Variants in DACT2 observed in about 807,000 individuals in gnomAD.
The protein encoded by DACT2 is dishevelled binding antagonist of beta catenin 2, also known as dapper homolog 2.
A neutral mutation model predicts 22.2 loss-of-function variants in DACT2; 20 were observed. The observed-to-expected ratio is 0.90, with a 90% confidence interval of 0.63 to 1.31. DACT2 has a LOEUF of 1.31. Ranked by LOEUF, DACT2 falls within the 50% of genes most tolerant of loss-of-function variation. DACT2 has a pLI of 0.00. For synonymous variants in DACT2, 463 were observed against 479.8 expected (o/e 0.96, Z 0.46); for missense variants, 1,048 against 1,061.4 (o/e 0.99, Z 0.18).
downstream of DACT2, among the ~76,000 whole-genome samples, chr6:168,306,055 C>T (rs1366355195): frequency 4.6e-5 from 7 of 152,218 alleles, no homozygotes; most frequent in East Asian, 3.9e-4. Context: ...CCCTCACCTA[C>T]GCTTTGTTCC....
In DACT2 at chr6:168,308,457, T is replaced by C; in HGVS notation, c.1300A>G (p.Arg434Gly). Reference protein sequence around the residue: ...GSKPSNSCVLRETMVQASPSS... With the variant: ...GSKPSNSCVLGETMVQASPSS... ...GGAGAAGCCTGCACCATGGTCTCCC[T>C]GAGGACACAGCTGTTTGAGGGCTTG... Residue 434 changes from arginine (R) to glycine (G), a missense_variant, in exon 4 of 4, where the codon AGG becomes GGG. Physicochemically the swap from Arg to Gly is moderately radical, Grantham distance 125 (BLOSUM62 -2). Coordinates refer to ENST00000366795, the MANE Select transcript of DACT2 (RefSeq NM_214462.5). The C allele has an allele frequency of 6.4e-7, 1 of 1,551,646 alleles. No individual in the cohort carries two copies. The highest frequency in any genetic ancestry group is 8.7e-7 in the Non-Finnish European group (1 of 1,146,974).
At chr6:168,310,788 G>C (rs1440090294) in intron 2 of DACT2, among the ~76,000 whole-genome samples, 1 of 152,140 alleles carries the variant, frequency 6.6e-6, no homozygotes, top group African/African-American at 2.4e-5. Flanking sequence ...AGCCCTTTTA[G>C]GACAGGCCTC....
intron 3 of DACT2, among the ~76,000 whole-genome samples, chr6:168,297,197 A>T (rs1286139476): frequency 1.3e-5 from 2 of 152,210 alleles, no homozygotes; most frequent in African/African-American, 4.8e-5. Flanking sequence ...GAGTGTGGTC[A>T]GAAGAACAAT....
downstream of DACT2, among the ~76,000 whole-genome samples, chr6:168,302,288 C>T (rs925686580): frequency 1.3e-5 from 2 of 152,186 alleles, no homozygotes; most frequent in African/African-American, 4.8e-5. Flanking sequence ...AACTCTGCTC[C>T]AGCTGGGCCC....
chr6:168,294,192 C>A, exon 5 of DACT2: 1 of 703,004 alleles, frequency 1.4e-6, no homozygotes, highest in Admixed American at 2.0e-5. Flanking sequence ...AAACCAGAAC[C>A]TACACCTAAC....
chr6:168,312,230 C>G (rs1442940267), intron 1 of DACT2, among the ~76,000 whole-genome samples: 1 of 152,076 alleles, frequency 6.6e-6, no homozygotes, highest in Non-Finnish European at 1.5e-5. Context: ...GGGTCTTGCT[C>G]TGTTGCCCAG....
At chr6:168,303,026 G>A (rs991231446), downstream of DACT2, among the ~76,000 whole-genome samples, 2 of 152,082 alleles carry the variant, frequency 1.3e-5, no homozygotes, top group Non-Finnish European at 2.9e-5. Context: ...TAAAAACTAG[G>A]CACCATCACA....
chr6:168,315,601 C>T lies in DACT2; in HGVS notation c.246+3787G>A, dbSNP rs184131386. Among the ~76,000 whole-genome samples the T allele has an allele frequency of 2.0e-4, 30 of 152,288 alleles. 1 individual carries two copies. In the East Asian group the frequency reaches 5.6e-3, roughly 28 times the overall value. On this transcript the variant is annotated intron_variant, in intron 1 of 3. Transcript: ENST00000366795. The stretch of plus-strand genomic sequence containing the variant: ...TATTCAGCAAAATCCTACTAAGCAC[C>T]CTCTACTGCACTCTCTTGTGGCACA...
chr6:168,319,026 G>A (rs1376164341), intron 1 of DACT2, among the ~76,000 whole-genome samples: 1 of 152,148 alleles, frequency 6.6e-6, no homozygotes, highest in Non-Finnish European at 1.5e-5. Context: ...CCAGGGGAAC[G>A]CCGGTCAGTG....
At chr6:168,305,894 G>A (rs1428689209), downstream of DACT2, among the ~76,000 whole-genome samples, 1 of 152,204 alleles carries the variant, frequency 6.6e-6, no homozygotes, top group Non-Finnish European at 1.5e-5. Context: ...ATTTCAGGAA[G>A]GGCAGGTGAA....
At chr6:168,292,909 GGATGAAAACCA>G (rs1778938927) in exon 6 of DACT2, 1 of 152,128 alleles carries the variant, frequency 6.6e-6, no homozygotes, top group Admixed American at 6.5e-5. Flanking sequence ...TTTAGCTTTG[GGATGAAAACCA>G]GATGTGAGTA....
At chr6:168,319,191 C>T (rs1246807249) in intron 1 of DACT2, among the ~76,000 whole-genome samples, 197 bp downstream of exon 1, 2 of 152,152 alleles carry the variant, frequency 1.3e-5, no homozygotes, top group African/African-American at 4.8e-5. Context: ...CACCTGTGCG[C>T]TTCACCTCTA....
At chr6:168,312,099 G>A (rs914135221) in intron 1 of DACT2, among the ~76,000 whole-genome samples, 2 of 151,968 alleles carry the variant, frequency 1.3e-5, no homozygotes, top group East Asian at 1.9e-4. Flanking sequence ...AACTGTTACA[G>A]GCTTCGGCAG....
At chr6:168,311,602 A>ACCCATC (rs1562498599) in intron 1 of DACT2, among the ~76,000 whole-genome samples, 2 of 149,234 alleles carry the variant, frequency 1.3e-5, no homozygotes, top group African/African-American at 2.5e-5. Flanking sequence ...ACACATACAC[A>ACCCATC]CACACTCACA....
chr6:168,305,338 C>T (rs188217096), downstream of DACT2, among the ~76,000 whole-genome samples: 2 of 150,858 alleles, frequency 1.3e-5, no homozygotes, highest in South Asian at 2.1e-4. Context: ...TAGGAAACCA[C>T]GCCTAGCTTT....
rs775639779 is a variant in DACT2, at chr6:168,308,124, C to T, written c.1633G>A (p.Gly545Arg). The change falls in exon 4 of 4, where the codon GGG (glycine) becomes AGG (arginine). Residue 545 changes from glycine to arginine, a missense_variant. Gly to Arg is a moderately radical substitution (Grantham distance 125). Coordinates refer to ENST00000366795, the MANE Select transcript of DACT2 (RefSeq NM_214462.5). ...DPAHWPTGRG[G>R]LQRRPALAWE... ...GCCAGGGCTGGCCTCCGCTGGAGCC[C>T]GCCCCTCCCTGTGGGCCAGTGGGCA... is the stretch of plus-strand genomic sequence containing the variant. The T allele has an allele frequency of 9.7e-6, 15 of 1,547,968 alleles. No homozygotes were observed. Among genetic ancestry groups the T allele is most frequent in the South Asian group, 3.6e-5 (3 of 83,824 alleles).
At chr6:168,302,409 C>T (rs568318601), downstream of DACT2, among the ~76,000 whole-genome samples, 10 of 152,340 alleles carry the variant, frequency 6.6e-5, no homozygotes, top group Non-Finnish European at 1.2e-4. Context: ...ATATACATAA[C>T]CTGTTTTCAG....
chr6:168,310,031 A>T (rs1779353224), intron 3 of DACT2, 137 bp downstream of exon 3: 1 of 1,348,504 alleles, frequency 7.4e-7, no homozygotes, highest in Non-Finnish European at 9.8e-7. Context: ...TGGCCCACGG[A>T]GGCCTTCCAG....
At position 168,310,042 on chromosome 6, in the gene DACT2, C is replaced by T. The variant is rs77222534; in HGVS notation, c.658+126G>A. 10,165 of 1,402,360 alleles carry T rather than the reference C, an allele frequency of 7.2e-3. 653 individuals carry two copies. In the African/African-American group the frequency reaches 0.13, roughly 18 times the overall value. 86.9% of individuals were successfully genotyped at this position (1,402,360 alleles called of 1,614,324 possible). On this transcript the variant is annotated intron_variant, in intron 3 of 3. Transcript: ENST00000366795. ...CACGTGGCCCACGGAGGCCTTCCAG[C>T]GTCCCTTAGAGCCTGACAGCGTGCT... is the stretch of plus-strand genomic sequence containing the variant.
Sources: allele counts gnomAD v4.1 joint callset (sites outside exome capture counted in the v4.1 genomes callset), GRCh38; gene constraint gnomAD v4.1.1; transcripts MANE v1.5; gene names NCBI Gene and HGNC (gene_info 2026-07-23, HGNC 2026-07-21).